The following PCDH10 variants were observed in gnomAD, a reference collection of about 807,000 sequenced individuals.
The protein encoded by PCDH10 is protocadherin-10.
A neutral mutation model predicts 74.4 loss-of-function variants in PCDH10; 15 were observed. The observed-to-expected ratio is 0.20, with a 90% CI of 0.13 to 0.31. The LOEUF (loss-of-function observed/expected upper bound fraction) is 0.31, where lower values mean the gene tolerates loss of function less well. Ranked by LOEUF, PCDH10 falls within the 10% of genes least tolerant of loss-of-function variation. PCDH10 has a pLI of 1.00. For missense variants in PCDH10, 1,260 were observed against 1,390.2 expected, an observed-to-expected ratio of 0.91 and a Z score of 1.49; for synonymous variants, 619 against 589.8, an observed-to-expected ratio of 1.05 and a Z score of -0.72.
chr4:133,176,397 A>T (rs957850824), intron 4 of PCDH10, among the ~76,000 whole-genome samples: 1 of 152,148 alleles, frequency 6.6e-6, no homozygotes, highest in Non-Finnish European at 1.5e-5. Flanking sequence ...ATTATTTAAC[A>T]TATTTAAAGC....
chr4:133,208,411 G>C (rs1048779854), exon 3 of PCDH10: 1 of 152,116 alleles, frequency 6.6e-6, no homozygotes, highest in Non-Finnish European at 1.5e-5. Context: ...ATGAAGTATT[G>C]ATTTTTCTGG....
At chr4:133,180,456 C>T (rs1369343907) in intron 4 of PCDH10, among the ~76,000 whole-genome samples, 2 of 151,808 alleles carry the variant, frequency 1.3e-5, no homozygotes, top group African/African-American at 4.8e-5. Flanking sequence ...TGTTTTATGG[C>T]ATTGTAGTAA....
intron 3 of PCDH10, among the ~76,000 whole-genome samples, chr4:133,156,845 T>C (rs77468455): frequency 6.6e-6 from 1 of 152,198 alleles, no homozygotes; most frequent in South Asian, 2.1e-4. Flanking sequence ...AGAGCCAAAT[T>C]TGGAAGATAG....
rs1578571274 is a variant in PCDH10 at position 133,178,112 on chromosome 4, A to G, written c.3104-12029A>G. ...TATATCCAGAGGTATAGTTAAGGTT[A>G]AGATTTGAAAGTTGTTTTAGGTAGA... On this transcript the variant is annotated intron_variant, in intron 4 of 4. Transcript: ENST00000264360. Among the ~76,000 whole-genome samples the G allele has an allele frequency of 2.6e-5, 4 of 151,886 alleles. No individual in the cohort carries two copies. In the South Asian group the frequency reaches 8.3e-4, roughly 32 times the overall value.
chr4:133,207,952 T>C (rs1457123555), intron 2 of PCDH10: 1 of 152,156 alleles, frequency 6.6e-6, no homozygotes, highest in Non-Finnish European at 1.5e-5. Context: ...AAACCACCTC[T>C]AAAAAAATCA....
chr4:133,173,679 TA>T (rs1457745466), intron 4 of PCDH10, among the ~76,000 whole-genome samples: 4 of 151,892 alleles, frequency 2.6e-5, no homozygotes, highest in African/African-American at 9.7e-5. Flanking sequence ...AATGACTTTT[TA>T]TTTTTCTTTC....
chr4:133,156,208 G>A (rs963475878), intron 3 of PCDH10, among the ~76,000 whole-genome samples: 19 of 152,348 alleles, frequency 1.2e-4, no homozygotes, highest in African/African-American at 4.6e-4. Context: ...ACCCCATGGT[G>A]GCCTGGCAGC....
chr4:133,163,919 A>G (rs1727026983), intron 4 of PCDH10: 1 of 445,618 alleles, frequency 2.2e-6, no homozygotes, highest in Non-Finnish European at 4.5e-6. Flanking sequence ...TTTAGCCTTT[A>G]TGAAGTATAA....
intron 4 of PCDH10, 92 bp from the exon 5 acceptor site, chr4:133,190,049 C>A: frequency 9.2e-7 from 1 of 1,084,460 alleles, no homozygotes; most frequent in South Asian, 1.3e-5. Context: ...CAACTAGTTT[C>A]TAACTGTATT....
Position 133,150,565 on chromosome 4 carries a change from C to T in PCDH10, c.425C>T (p.Pro142Leu). 6.2e-7 allele frequency: 1 copy of T among 1,613,688 alleles called. No individual in the cohort carries two copies. The highest frequency in any genetic ancestry group is 8.5e-7 in the Non-Finnish European group (1 of 1,179,952). The change falls in exon 1 of 5, where the codon CCC (proline) becomes CTC (leucine). Residue 142 changes from proline to leucine, a missense_variant. Physicochemically the swap from Pro to Leu is moderately conservative, Grantham distance 98. Around this residue, in one of 11 missense-constraint regions of PCDH10, gnomAD observed 63 missense variants for 100.7 expected, o/e 0.63. Coordinates refer to ENST00000264360, the MANE Select transcript of PCDH10 (RefSeq NM_032961.3). ...AGCGCCACGCCAGGCACTCGCTTCC[C>T]CTTGGAGAGCGCATTCGACCCAGAC... ...SESATPGTRF[P>L]LESAFDPDVG...
Position 133,150,933 on chromosome 4 carries a change from C to G in PCDH10, c.793C>G (p.Pro265Ala). ...YTVSLPENSP[P>A]GTLVIQLNAT... ...TGTGTCCCTACCAGAGAACTCTCCC[C>G]CAGGCACTCTCGTGATCCAGCTCAA... Residue 265 changes from proline to alanine, a missense_variant, in exon 1 of 5, where the codon CCA becomes GCA. Coordinates refer to ENST00000264360, the MANE Select transcript of PCDH10 (RefSeq NM_032961.3). The G allele has an allele frequency of 3.1e-6, 5 of 1,613,988 alleles. No homozygotes were observed. The highest frequency in any genetic ancestry group is 1.1e-5 in the South Asian group (1 of 91,090).
chr4:133,160,620 T>C (rs1011043596), intron 3 of PCDH10, among the ~76,000 whole-genome samples: 2 of 149,992 alleles, frequency 1.3e-5, no homozygotes, highest in African/African-American at 4.9e-5. Flanking sequence ...TATCCTAATA[T>C]ATGTTGACAT....
At chr4:133,182,319 G>T (rs563040331) in intron 4 of PCDH10, among the ~76,000 whole-genome samples, 1 of 152,096 alleles carries the variant, frequency 6.6e-6, no homozygotes, top group East Asian at 1.9e-4. Flanking sequence ...CACTTGAAAA[G>T]TGTCTAAATG....
intron 4 of PCDH10, among the ~76,000 whole-genome samples, chr4:133,181,403 A>T (rs1727414207): frequency 6.6e-6 from 1 of 151,998 alleles, no homozygotes; most frequent in Admixed American, 6.6e-5. Flanking sequence ...ACAATGCAAC[A>T]TTTTTTTGAC....
chr4:133,171,556 C>T (rs1390467502), intron 4 of PCDH10, among the ~76,000 whole-genome samples: 1 of 151,988 alleles, frequency 6.6e-6, no homozygotes, highest in Non-Finnish European at 1.5e-5. Flanking sequence ...TCTGAGTCAA[C>T]AATGGCAACA....
intron 2 of PCDH10, among the ~76,000 whole-genome samples, chr4:133,202,688 G>T (rs7663631): frequency 4.4e-3 from 668 of 152,166 alleles, no homozygotes; most frequent in Non-Finnish European, 6.4e-3. Context: ...TGGACTTTTG[G>T]TGCAAAACTG....
downstream of PCDH10, among the ~76,000 whole-genome samples, chr4:133,194,993 C>T (rs187395440): frequency 5.9e-5 from 9 of 151,770 alleles, no homozygotes; most frequent in African/African-American, 2.2e-4. Context: ...GATATGAGTA[C>T]CTTCAAGCAA....
chr4:133,168,656 G>A (rs1727137595), intron 4 of PCDH10, among the ~76,000 whole-genome samples: 1 of 151,370 alleles, frequency 6.6e-6, no homozygotes, highest in African/African-American at 2.4e-5. Flanking sequence ...GCTCTACTAC[G>A]ATTTTTCTTC....
chr4:133,207,562 T>C (rs181190116), intron 2 of PCDH10, among the ~76,000 whole-genome samples: 38 of 142,654 alleles, frequency 2.7e-4, no homozygotes, highest in Admixed American at 2.5e-3. Context: ...ACAATTATAT[T>C]TGTGAGGTTT....
Sources: gnomAD v4.1 joint callset for allele counts (sites outside exome capture counted in the v4.1 genomes callset) on GRCh38, gnomAD v4.1.1 for gene constraint, gnomAD v4.1.1 regional missense constraint, MANE v1.5 for transcripts, NCBI Gene and HGNC (gene_info 2026-07-23, HGNC 2026-07-21) for gene names.